SLC39A12: variants seen among roughly 807,000 people sequenced by gnomAD.
SLC39A12 encodes zinc transporter ZIP12.
Under a neutral mutation model 71.1 loss-of-function variants are expected in SLC39A12, and 63 were observed. The observed-to-expected ratio is 0.89, with a 90% confidence interval of 0.72 to 1.09. The LOEUF (loss-of-function observed/expected upper bound fraction) is 1.09, where lower values mean the gene tolerates loss of function less well. SLC39A12 is among the 50% of genes least tolerant of loss of function. The pLI, the probability that SLC39A12 is intolerant of heterozygous loss-of-function variation, is 0.00. For missense variants in SLC39A12, 892 were observed against 812.6 expected (o/e 1.10, Z -1.19); for synonymous variants, 351 against 301.3 (o/e 1.16, Z -1.71).
At chr10:18,029,372 G>T (rs537497286) in intron 12 of SLC39A12, among the ~76,000 whole-genome samples, 2 of 152,044 alleles carry the variant, frequency 1.3e-5, no homozygotes, top group African/African-American at 4.8e-5. Flanking sequence ...CTCAACAACG[G>T]CAGGCCAAAG....
intron 12 of SLC39A12, among the ~76,000 whole-genome samples, chr10:18,014,593 C>T (rs1836325488): frequency 6.6e-6 from 1 of 152,116 alleles, no homozygotes; most frequent in African/African-American, 2.4e-5. Context: ...TTTTTCCCTT[C>T]TTCAATTTTA....
intron 9 of SLC39A12, among the ~76,000 whole-genome samples, chr10:17,993,556 G>A (rs1175964546): frequency 1.3e-5 from 2 of 152,166 alleles, no homozygotes; most frequent in Admixed American, 6.5e-5. Flanking sequence ...TCATAGACAC[G>A]TCCTTAATCC....
chr10:17,962,982 C>T (rs1222869903), intron 3 of SLC39A12, among the ~76,000 whole-genome samples: 2 of 152,190 alleles, frequency 1.3e-5, no homozygotes, highest in African/African-American at 4.8e-5. Flanking sequence ...ATAGCAAGAC[C>T]TTGTCTCTAC....
intron 8 of SLC39A12, among the ~76,000 whole-genome samples, chr10:17,992,372 A>C (rs1835576748): frequency 6.6e-6 from 1 of 152,212 alleles, no homozygotes; most frequent in South Asian, 2.1e-4. Flanking sequence ...CATGAATTCA[A>C]ATAGACTACA....
rs146774017 is a variant in SLC39A12, at chr10:17,992,295, T to C, written c.1423-886T>C. On this transcript the variant is annotated intron_variant, in intron 8 of 12. Coordinates refer to ENST00000377369, the MANE Select transcript of SLC39A12 (RefSeq NM_001145195.2). The stretch of plus-strand genomic sequence containing the variant: ...GATCAAGGAAGTGGATAGCTCAATA[T>C]TTACATTACAATACAATTCTTTCAG... Among the ~76,000 whole-genome samples, 1,499 of 152,258 alleles carry C rather than the reference T, an allele frequency of 9.8e-3. 20 individuals are homozygous for C. The highest frequency in any genetic ancestry group is 0.033 in the African/African-American group (1,366 of 41,546).
At chr10:18,027,050 T>C (rs892769554) in intron 12 of SLC39A12, among the ~76,000 whole-genome samples, 10 of 152,186 alleles carry the variant, frequency 6.6e-5, no homozygotes, top group African/African-American at 2.2e-4. Context: ...TTAAACCATC[T>C]TTTGCCTTTT....
At chr10:17,978,866 G>A (rs1337553900) in intron 5 of SLC39A12, among the ~76,000 whole-genome samples, 1 of 152,144 alleles carries the variant, frequency 6.6e-6, no homozygotes, top group Non-Finnish European at 1.5e-5. Flanking sequence ...TCCAAGGGTT[G>A]TGCCTGGGCC....
chr10:17,991,003 C>T (rs1221010069), intron 7 of SLC39A12, 148 bp from the exon 8 acceptor site: 1 of 741,076 alleles, frequency 1.3e-6, no homozygotes, highest in East Asian at 3.2e-5. Context: ...GCAAACTGGA[C>T]TTTTAGTGAT....
chr10:17,964,892 C>G (rs1464467145), intron 3 of SLC39A12, among the ~76,000 whole-genome samples: 1 of 152,160 alleles, frequency 6.6e-6, no homozygotes, highest in African/African-American at 2.4e-5. Flanking sequence ...AGGAGTTCCC[C>G]TTGGAGAAAA....
intron 9 of SLC39A12, 63 bp from the exon 10 acceptor site, chr10:17,995,593 C>A: frequency 6.7e-7 from 1 of 1,484,500 alleles, no homozygotes; most frequent in South Asian, 1.2e-5. Context: ...CCAGATGTTT[C>A]ATTTTTCAAC....
At chr10:18,012,519 C>T (rs186003716) in intron 12 of SLC39A12, among the ~76,000 whole-genome samples, 21 of 152,222 alleles carry the variant, frequency 1.4e-4, no homozygotes, top group East Asian at 5.8e-4. Flanking sequence ...GACTTCCCTC[C>T]GTCTTGTTTA....
intron 12 of SLC39A12, among the ~76,000 whole-genome samples, chr10:18,039,666 T>C (rs1837165492): frequency 6.6e-6 from 1 of 152,108 alleles, no homozygotes; most frequent in Non-Finnish European, 1.5e-5. Context: ...AGTTCACGGC[T>C]ACAGTGAGCT....
intron 12 of SLC39A12, among the ~76,000 whole-genome samples, chr10:18,036,201 G>A (rs556418109): frequency 4.6e-5 from 7 of 152,348 alleles, no homozygotes; most frequent in Non-Finnish European, 1.0e-4. Flanking sequence ...GGGCTGCTTT[G>A]TTTACCTAAG....
Position 17,987,599 on chromosome 10 carries a change from G to C in SLC39A12, c.1217G>C (p.Gly406Ala). 6.2e-7 allele frequency: 1 copy of C among 1,614,142 alleles called. No individual in the cohort carries two copies. Among genetic ancestry groups the C allele is most frequent in the Non-Finnish European group, 8.5e-7 (1 of 1,180,034 alleles). ...NYRLILQLFV[G>A]LAVGTLSGDA... ...AGGCTTATCTTACAGCTGTTTGTGG[G>C]CTTGGCCGTCGGGACACTGTCTGGG... Residue 406 changes from glycine (G) to alanine (A), a missense_variant, in exon 7 of 13, where the codon GGC becomes GCC. By Grantham distance (60) the Gly-to-Ala change is moderately conservative. Coordinates refer to ENST00000377369, the MANE Select transcript of SLC39A12 (RefSeq NM_001145195.2).
chr10:18,010,488 A>G (rs533828323), intron 12 of SLC39A12: 4 of 152,320 alleles, frequency 2.6e-5, no homozygotes, highest in South Asian at 2.1e-4. Flanking sequence ...AACATTCACA[A>G]TTATTTCTTA....
At chr10:18,038,018 CAAAAAAAAAAAAAAA>C (rs763211521) in intron 12 of SLC39A12, among the ~76,000 whole-genome samples, 4 of 14,950 alleles carry the variant, frequency 2.7e-4, no homozygotes, top group Non-Finnish European at 4.8e-4. Context: ...GCCTCCATCT[CAAAAAAAAAAAAAAA>C]AAAAAAAAAA....
intron 12 of SLC39A12, chr10:18,009,783 T>C (rs371987219): frequency 1.3e-4 from 20 of 152,194 alleles, no homozygotes; most frequent in East Asian, 7.7e-4. Flanking sequence ...AAAAGGTATT[T>C]TGAATATGAA....
chr10:18,036,784 A>ATTTTTTTTTTTTTTTT (rs1277319900), intron 12 of SLC39A12, among the ~76,000 whole-genome samples: 1 of 7,682 alleles, frequency 1.3e-4, no homozygotes. Flanking sequence ...ATATATATAT[A>ATTTTTTTTTTTTTTTT]TATATATATA....
At chr10:18,030,164 A>G (rs1175203627) in intron 12 of SLC39A12, among the ~76,000 whole-genome samples, 1 of 152,184 alleles carries the variant, frequency 6.6e-6, no homozygotes, top group Non-Finnish European at 1.5e-5. Context: ...CGAAATTGAA[A>G]TGGAAACTTT....
Sources: allele counts gnomAD v4.1 joint callset (sites outside exome capture counted in the v4.1 genomes callset), GRCh38; gene constraint gnomAD v4.1.1; transcripts MANE v1.5; gene names NCBI Gene and HGNC (gene_info 2026-07-23, HGNC 2026-07-21).